MAP3K20: variants seen among roughly 807,000 people sequenced by gnomAD.
The protein encoded by MAP3K20 is mitogen-activated protein kinase kinase kinase 20, also known as HCCS-4.
A neutral mutation model predicts 85.7 loss-of-function variants in MAP3K20; 40 were observed. The ratio of observed to expected loss-of-function variants is 0.47; its 90% CI spans 0.36 to 0.61. The LOEUF (loss-of-function observed/expected upper bound fraction) is 0.61. MAP3K20 is among the 20% of genes least tolerant of loss of function. The pLI is 0.00. For missense variants in MAP3K20, 817 were observed against 961.7 expected (o/e 0.85, Z 1.99); for synonymous variants, 325 against 327.7 (o/e 0.99, Z 0.09).
intron 10 of MAP3K20, among the ~76,000 whole-genome samples, chr2:173,213,475 G>C (rs1038272816): frequency 6.6e-6 from 1 of 152,216 alleles, no homozygotes; most frequent in Non-Finnish European, 1.5e-5. Context: ...GACTGTAATA[G>C]TAATTTTAAT....
intron 5 of MAP3K20, among the ~76,000 whole-genome samples, chr2:173,189,122 C>T (rs962964625): frequency 1.3e-5 from 2 of 152,044 alleles, no homozygotes; most frequent in African/African-American, 4.8e-5. Flanking sequence ...TTCTTTTTCC[C>T]TTGGAAAGGT....
At chr2:173,256,475 A>T (rs1355501053) in intron 16 of MAP3K20, among the ~76,000 whole-genome samples, 1 of 148,726 alleles carries the variant, frequency 6.7e-6, no homozygotes, top group Non-Finnish European at 1.5e-5. Context: ...AAAGAAATTT[A>T]AAAAAATAGA....
chr2:173,240,117 A>T (rs79840256), intron 16 of MAP3K20, among the ~76,000 whole-genome samples: 1,834 of 152,306 alleles, frequency 0.012, 24 homozygotes, highest in South Asian at 0.044. Flanking sequence ...TACAGTACTG[A>T]AGTGTGAAAA....
chr2:173,078,015 G>C (rs1276735238), intron 1 of MAP3K20, among the ~76,000 whole-genome samples: 1 of 152,212 alleles, frequency 6.6e-6, no homozygotes, highest in East Asian at 1.9e-4. Context: ...TTATAAATAG[G>C]TTTGTGGGGG....
Position 173,266,327 on chromosome 2 carries a change from C to G in MAP3K20, c.1980C>G (p.Ser660=), listed in dbSNP as rs964089726. ...LHLNSRDSGF[S]SGNTDTSSER... is the part of the protein sequence containing the mutation. Reference sequence around the variant, plus strand: ...TCAACTCTAGGGACAGTGGCTTTTCCAGTGGCAATACTGACACCTCTTCAG... The same window carrying G: ...TCAACTCTAGGGACAGTGGCTTTTCGAGTGGCAATACTGACACCTCTTCAG... The change falls in exon 20 of 20, where the codon TCC becomes TCG. Residue 660 remains serine, a synonymous_variant. Transcript: ENST00000375213. The G allele has an allele frequency of 2.5e-6, 4 of 1,613,970 alleles. No individual in the cohort carries two copies. In the African/African-American group the frequency reaches 4.0e-5, roughly 16 times the overall value.
At chr2:173,104,771 T>C (rs1687737808) in intron 2 of MAP3K20, among the ~76,000 whole-genome samples, 1 of 151,926 alleles carries the variant, frequency 6.6e-6, no homozygotes, top group East Asian at 1.9e-4. Flanking sequence ...AGATCAGGAG[T>C]GCCAGAGGAG....
intron 2 of MAP3K20, among the ~76,000 whole-genome samples, chr2:173,117,609 A>G (rs2106183028): frequency 6.6e-6 from 1 of 152,196 alleles, no homozygotes; most frequent in Admixed American, 6.5e-5. Flanking sequence ...ATTATATTGA[A>G]TTTTATTTTT....
intron 16 of MAP3K20, among the ~76,000 whole-genome samples, chr2:173,246,244 A>G (rs1300303853): frequency 1.3e-5 from 2 of 152,208 alleles, no homozygotes; most frequent in African/African-American, 4.8e-5. Context: ...ACTGTGTCAC[A>G]CTGCCTCATT....
chr2:173,141,806 GAA>G (rs1382143865), intron 2 of MAP3K20, among the ~76,000 whole-genome samples: 1 of 151,932 alleles, frequency 6.6e-6, no homozygotes, highest in Non-Finnish European at 1.5e-5. Context: ...AATCATTGAT[GAA>G]AAGAGAAATG....
At chr2:173,089,090 C>T (rs887939383) in intron 1 of MAP3K20, among the ~76,000 whole-genome samples, 6 of 152,106 alleles carry the variant, frequency 3.9e-5, no homozygotes, top group Non-Finnish European at 8.8e-5. Flanking sequence ...CTTTGAGCTG[C>T]CTGTGCACTT....
At chr2:173,215,820 ACTTACT>A (rs1684056206) in intron 10 of MAP3K20, 2 of 152,214 alleles carry the variant, frequency 1.3e-5, no homozygotes, top group South Asian at 4.1e-4. Context: ...TAAACTGTTC[ACTTACT>A]CTTATTCTCC....
At chr2:173,154,503 T>TA (rs1464162840) in intron 2 of MAP3K20, among the ~76,000 whole-genome samples, 1 of 152,190 alleles carries the variant, frequency 6.6e-6, no homozygotes, top group Admixed American at 6.5e-5. Context: ...CTTCATGGTC[T>TA]AGTTGACACT....
chr2:173,220,473 AACTT>A (rs143987339), intron 11 of MAP3K20, among the ~76,000 whole-genome samples: 20,049 of 152,188 alleles, frequency 0.13, 1,868 homozygotes, highest in East Asian at 0.56. Context: ...ACTTACGTCT[AACTT>A]AAATGTGAGA....
intron 11 of MAP3K20, 116 bp downstream of exon 11, chr2:173,217,366 TCG>T: frequency 7.8e-7 from 1 of 1,284,562 alleles, no homozygotes; most frequent in South Asian, 2.8e-5. Flanking sequence ...ATTTCCTGCC[TCG>T]CGCCCGTGTA....
chr2:173,162,456 C>T (rs759758152), intron 2 of MAP3K20, among the ~76,000 whole-genome samples: 1 of 152,028 alleles, frequency 6.6e-6, no homozygotes, highest in Non-Finnish European at 1.5e-5. Flanking sequence ...GAGGCTGAGG[C>T]GGGCGGCTCA....
intron 7 of MAP3K20, chr2:173,193,146 C>T (rs1690714189): frequency 6.6e-6 from 1 of 152,200 alleles, no homozygotes; most frequent in South Asian, 2.1e-4. Context: ...CCACTGCTCC[C>T]ACTCCTTTAA....
intron 14 of MAP3K20, among the ~76,000 whole-genome samples, 154 bp from the exon 15 acceptor site, chr2:173,238,219 A>G (rs1211742657): frequency 2.0e-5 from 3 of 152,214 alleles, no homozygotes; most frequent in African/African-American, 7.2e-5. Flanking sequence ...TGCTTTGGAC[A>G]ATGAGATTTA....
chr2:173,216,563 G>A (rs907294033), intron 10 of MAP3K20, among the ~76,000 whole-genome samples: 1 of 151,842 alleles, frequency 6.6e-6, no homozygotes, highest in Non-Finnish European at 1.5e-5. Flanking sequence ...CAGGCAGGTA[G>A]GAGAACCCTA....
At chr2:173,236,739 G>C (rs558029222) in intron 14 of MAP3K20, among the ~76,000 whole-genome samples, 1 of 152,264 alleles carries the variant, frequency 6.6e-6, no homozygotes, top group East Asian at 1.9e-4. Context: ...AAAGGGAAAG[G>C]GTCATGTGCA....
Sources: allele counts gnomAD v4.1 joint callset (sites outside exome capture counted in the v4.1 genomes callset), GRCh38; gene constraint gnomAD v4.1.1; transcripts MANE v1.5; gene names NCBI Gene and HGNC (gene_info 2026-07-23, HGNC 2026-07-21).